NSD2: variants seen among roughly 807,000 people sequenced by gnomAD.
NSD2 encodes the protein nuclear receptor binding SET domain protein 2.
In NSD2, 12 loss-of-function variants were observed where a neutral mutation model predicts 139.0. The observed-to-expected ratio is 0.09, with a 90% confidence interval of 0.06 to 0.14. NSD2 has a LOEUF of 0.14. Ranked by LOEUF, NSD2 falls within the 10% of genes least tolerant of loss-of-function variation. The pLI, the probability that NSD2 is intolerant of heterozygous loss-of-function variation, is 1.00. For synonymous variants in NSD2, 669 were observed against 648.7 expected (o/e 1.03, Z -0.48); for missense variants, 1,155 against 1,745.0 (o/e 0.66, Z 6.02).
At chr4:1,941,784 C>G in intron 9 of NSD2, 2 of 1,049,118 alleles carry the variant, frequency 1.9e-6, no homozygotes, top group Non-Finnish European at 2.3e-6. Flanking sequence ...TAGAATTATG[C>G]TGTTAAAACT....
At chr4:1,968,030 T>C (rs1726066160) in intron 18 of NSD2, among the ~76,000 whole-genome samples, 1 of 152,236 alleles carries the variant, frequency 6.6e-6, no homozygotes, top group Non-Finnish European at 1.5e-5. Flanking sequence ...GTGGAGCATC[T>C]GTACTTGCAA....
At chr4:1,885,834 G>C (rs537427801) in intron 1 of NSD2, among the ~76,000 whole-genome samples, 4 of 152,040 alleles carry the variant, frequency 2.6e-5, no homozygotes, top group Non-Finnish European at 4.4e-5. Flanking sequence ...AGTTCCAGGC[G>C]CAGGAATGAT....
intron 3 of NSD2, among the ~76,000 whole-genome samples, chr4:1,911,587 CA>C (rs372660600): frequency 0.091 from 3,841 of 42,072 alleles, 43 homozygotes; most frequent in African/African-American, 0.26. Flanking sequence ...GACGCCATCT[CA>C]AAAAAAAAAA....
chr4:1,981,787 A>C lies in NSD2; in HGVS notation c.*2878A>C, dbSNP rs549922148. 5.0e-6 allele frequency: 2 copies of C among 398,616 alleles called. No homozygotes were observed. The highest frequency in any genetic ancestry group is 7.1e-5 in the East Asian group (2 of 28,084). The allele number at this position is 398,616 out of a possible 1,614,324, so 24.7% of individuals were successfully genotyped here. A position where few individuals can be genotyped will look rare whatever the true frequency, so the allele number is the denominator to read the frequency against. ...AGAATTAAACCTGTTTTATAATTCA[A>C]GTTAATGCAAATGACTGTCAGTTGC... On this transcript the variant is annotated 3_prime_UTR_variant, in exon 22 of 22. Transcript: ENST00000508803.
chr4:1,957,838 A>T, intron 15 of NSD2, 95 bp from the exon 16 acceptor site: 1 of 1,176,178 alleles, frequency 8.5e-7, no homozygotes, highest in East Asian at 2.4e-5. Context: ...TATACTTAAC[A>T]TTGAAAGTTT....
intron 9 of NSD2, chr4:1,947,757 A>C (rs942060565): frequency 1.9e-6 from 2 of 1,049,720 alleles, no homozygotes; most frequent in African/African-American, 3.3e-5. Context: ...CATGAAAATT[A>C]TGTCAGTTTA....
intron 6 of NSD2, among the ~76,000 whole-genome samples, chr4:1,934,862 AAAAAAAAAAAAAAAAAAT>A (rs1722124220): frequency 9.6e-5 from 9 of 93,952 alleles, no homozygotes; most frequent in African/African-American, 4.2e-4. Flanking sequence ...AAAAAAAAAA[AAAAAAAAAAAAAAAAAAT>A]ATATATATAT....
intron 3 of NSD2, among the ~76,000 whole-genome samples, chr4:1,910,605 A>AC (rs1398171106): frequency 6.6e-6 from 1 of 151,812 alleles, no homozygotes; most frequent in Non-Finnish European, 1.5e-5. Context: ...TTAGGAATTA[A>AC]CCCTCCTTGC....
rs190847626 is a variant in NSD2 at position 1,920,957 on chromosome 4, G to A, written c.1410+2334G>A. Among the ~76,000 whole-genome samples, 390 of 152,266 alleles carry A rather than the reference G, an allele frequency of 2.6e-3. 1 individual carries two copies. The highest frequency in any genetic ancestry group is 8.7e-3 in the African/African-American group (361 of 41,560). On this transcript the variant is annotated intron_variant, in intron 5 of 21. Transcript: ENST00000508803. ...GGAGGTTGAGGCAAGAGGATTGCTCGAGTCCAGAAGTTTAAGGCTGTGGTG... is the reference window on the plus strand; with the variant it reads ...GGAGGTTGAGGCAAGAGGATTGCTCAAGTCCAGAAGTTTAAGGCTGTGGTG...
chr4:1,963,035 T>C (rs1261149998), intron 18 of NSD2, among the ~76,000 whole-genome samples: 1 of 152,090 alleles, frequency 6.6e-6, no homozygotes, highest in African/African-American at 2.4e-5. Flanking sequence ...GAACAGGGAT[T>C]CTGAAGTGCA....
chr4:1,925,281 C>G (rs1560663781), intron 5 of NSD2, among the ~76,000 whole-genome samples: 1 of 151,872 alleles, frequency 6.6e-6, no homozygotes, highest in Non-Finnish European at 1.5e-5. Flanking sequence ...GTGGAACTTC[C>G]TTGCTGCTTT....
intron 7 of NSD2, 64 bp from the exon 8 acceptor site, chr4:1,938,387 C>CTT: frequency 2.7e-6 from 3 of 1,092,328 alleles, no homozygotes; most frequent in South Asian, 2.7e-5. Flanking sequence ...CTTTTTTTTT[C>CTT]CTTTTTTTCT....
intron 2 of NSD2, among the ~76,000 whole-genome samples, chr4:1,903,717 G>A (rs1295941218): frequency 6.6e-6 from 1 of 151,752 alleles, no homozygotes; most frequent in African/African-American, 2.4e-5. Context: ...TCCTTTAGCT[G>A]AGAGTGAGAG....
intron 11 of NSD2, chr4:1,952,723 G>A (rs1577530236): frequency 9.3e-7 from 1 of 1,077,006 alleles, no homozygotes; most frequent in South Asian, 3.5e-5. Flanking sequence ...TGTCAGTGCT[G>A]TTGTTCTGCC....
At position 1,976,841 on chromosome 4, in the gene NSD2, G is replaced by C. The variant is rs572348126; in HGVS notation, c.3826+162G>C. 6.8e-4 allele frequency among the ~76,000 whole-genome samples: 104 copies of C among 152,372 alleles called. No homozygotes were observed. The highest frequency in any genetic ancestry group is 1.1e-3 in the Non-Finnish European group (77 of 68,036). ...ATCCAGGGTGGCAGAGCCTTTCTTT[G>C]TTCCACCAGCCGCACATTCTAGATC... On this transcript the variant is annotated intron_variant, in intron 21 of 21. Transcript: ENST00000508803. This position sits in a 1 kb window ranked among gnomAD's most constrained non-coding sequence, Gnocchi z 5.3.
At chr4:1,886,538 A>G (rs1715124338) in intron 1 of NSD2, among the ~76,000 whole-genome samples, 1 of 152,076 alleles carries the variant, frequency 6.6e-6, no homozygotes, top group Non-Finnish European at 1.5e-5. Context: ...TGTACTTTAA[A>G]AAGTAACTTG....
At chr4:1,919,886 A>G (rs1388733721) in intron 5 of NSD2, among the ~76,000 whole-genome samples, 1 of 151,992 alleles carries the variant, frequency 6.6e-6, no homozygotes, top group Non-Finnish European at 1.5e-5. Flanking sequence ...CAGTGAGCCA[A>G]GATTACACCA....
chr4:1,880,562 G>A (rs1156450005), intron 1 of NSD2, among the ~76,000 whole-genome samples: 2 of 151,498 alleles, frequency 1.3e-5, no homozygotes, highest in Non-Finnish European at 2.9e-5. Context: ...AAATGGGGAG[G>A]GACAGTGAGC....
intron 3 of NSD2, among the ~76,000 whole-genome samples, chr4:1,913,473 G>A (rs1577421413): frequency 6.6e-6 from 1 of 152,340 alleles, no homozygotes; most frequent in East Asian, 1.9e-4. Flanking sequence ...CACGCTCCTG[G>A]TCCACTTTCA....
Sources: allele counts gnomAD v4.1 joint callset (sites outside exome capture counted in the v4.1 genomes callset), GRCh38; gene constraint gnomAD v4.1.1; non-coding constraint Gnocchi (gnomAD v3.1); transcripts MANE v1.5; gene names NCBI Gene and HGNC (gene_info 2026-07-23, HGNC 2026-07-21).